The following WDR55 variants were observed in gnomAD, a reference collection of about 807,000 sequenced individuals.
WDR55 encodes WD repeat-containing protein 55.
A neutral mutation model predicts 34.0 loss-of-function variants in WDR55; 31 were observed. The ratio of observed to expected loss-of-function variants is 0.91; its 90% CI spans 0.69 to 1.23. The LOEUF (loss-of-function observed/expected upper bound fraction) is 1.23. WDR55 is among the 50% of genes most tolerant of loss of function. The pLI, the probability that WDR55 is intolerant of heterozygous loss-of-function variation, is 0.00. For synonymous variants in WDR55, 164 were observed against 185.9 expected, an observed-to-expected ratio of 0.88 and a Z score of 0.96; for missense variants, 440 against 494.6, an observed-to-expected ratio of 0.89 and a Z score of 1.05.
At position 140,668,974 on chromosome 5, in the gene WDR55, C is replaced by T; in HGVS notation, c.644C>T (p.Ser215Phe). ...GAACCTCAGTCTGGGGACCTGACCT[C>T]TGTCACTCTCATGAAAGTACAGCTG... is the stretch of plus-strand genomic sequence containing the variant. ...LSEPQSGDLT[S>F]VTLMKWGKKV... The change falls in exon 5 of 7, where the codon TCT becomes TTT. Residue 215 changes from serine to phenylalanine, a missense_variant. Transcript: ENST00000358337. 6.2e-7 allele frequency: 1 copy of T among 1,614,240 alleles called. No individual in the cohort carries two copies. Among genetic ancestry groups the T allele is most frequent in the Non-Finnish European group, 8.5e-7 (1 of 1,180,036 alleles).
chr5:140,666,897 G>C, intron 1 of WDR55: 1 of 985,364 alleles, frequency 1.0e-6, no homozygotes, highest in Non-Finnish European at 1.2e-6. Flanking sequence ...ACACATGTTT[G>C]ATTTTGAACA....
Position 140,671,413 on chromosome 5 carries a change from C to G in WDR55, c.*1759C>G, listed in dbSNP as rs765762813. The G allele has an allele frequency of 8.7e-6, 14 of 1,612,320 alleles. No homozygotes were observed. The African/African-American group carries it at 1.9e-4, about 21-fold the overall frequency. On this transcript the variant is annotated 3_prime_UTR_variant, in exon 7 of 7. Transcript: ENST00000358337. ...CATCCTTGGCCACCTCATGCCCATC[C>G]CGGCCATCTAGGGTCAGCACAACCC... is the stretch of plus-strand genomic sequence containing the variant.
At position 140,671,767 on chromosome 5, in the gene WDR55, A is replaced by G. The variant is rs1758081591; in HGVS notation, c.*2113A>G. On this transcript the variant is annotated 3_prime_UTR_variant, in exon 7 of 7. Transcript: ENST00000358337. ...GTGACTGCCCTGTAGGAAAAATGCA[A>G]AGACAAGGGCAGGTCTAAACCCTGG... The G allele has an allele frequency of 1.3e-6, 2 of 1,558,908 alleles. No individual in the cohort carries two copies. Among genetic ancestry groups the G allele is most frequent in the East Asian group, 2.4e-5 (1 of 42,222 alleles).
rs1157614450 is a variant in WDR55, at chr5:140,671,220, C to G, written c.*1566C>G. ...CCTTTGGGGGTCAGAAAGTGGCCAC[C>G]CAGGCCTGCTGGGATGGGGCCTGAC... On this transcript the variant is annotated 3_prime_UTR_variant, in exon 7 of 7. Coordinates refer to ENST00000358337, the MANE Select transcript of WDR55 (RefSeq NM_017706.5). The G allele has an allele frequency of 3.1e-6, 5 of 1,598,022 alleles. No individual in the cohort carries two copies. Among genetic ancestry groups the G allele is most frequent in the Middle Eastern group, 2.1e-4 (1 of 4,666 alleles).
rs747135715 is a variant in WDR55 at position 140,671,495 on chromosome 5, C to T, written c.*1841C>T. On this transcript the variant is annotated 3_prime_UTR_variant, in exon 7 of 7. Transcript: ENST00000358337. ...AGGAATCACCACCTGGTACCAGAAG[C>T]GGTGCCAGCCAGCAGGTCCTATGCC... 6.5e-5 allele frequency: 104 copies of T among 1,595,542 alleles called. No individual in the cohort carries two copies. The Middle Eastern group carries it at 1.1e-3, about 17-fold the overall frequency.
rs377201106 is a variant in WDR55 at position 140,669,117 on chromosome 5, C to T, written c.699C>T (p.Thr233=). The T allele has an allele frequency of 5.5e-5, 89 of 1,614,038 alleles. No homozygotes were observed. Among genetic ancestry groups the T allele is most frequent in the South Asian group, 8.8e-5 (8 of 91,092 alleles). ...KKVACGSSEG[T]IYLFNWNGFG... is the part of the protein sequence containing the mutation. ...TAGCCTGTGGCTCCAGTGAAGGTAC[C>T]ATCTACCTCTTCAATTGGAATGGCT... Residue 233 remains threonine, a synonymous_variant, in exon 6 of 7, where the codon ACC becomes ACT. Transcript: ENST00000358337.
At position 140,668,249 on chromosome 5, in the gene WDR55, C is replaced by G. The variant is rs749385762; in HGVS notation, c.207C>G (p.Cys69Trp). 1.2e-6 allele frequency: 2 copies of G among 1,608,380 alleles called. No individual in the cohort carries two copies. The highest frequency in any genetic ancestry group is 1.7e-6 in the Non-Finnish European group (2 of 1,176,626). The change falls in exon 2 of 7, where the codon TGC becomes TGG. Residue 69 changes from cysteine (C) to tryptophan (W), a missense_variant. Physicochemically the swap from Cys to Trp is radical, Grantham distance 215. Coordinates refer to ENST00000358337, the MANE Select transcript of WDR55 (RefSeq NM_017706.5). ...DGDVFVFSYSCQEGETKELWS... is the reference protein window; with the variant it reads ...DGDVFVFSYSWQEGETKELWS... ...CTCTCCCCAGCTTTTCCTACTCTTG[C>G]CAAGAGGGAGAAACCAAGGAGCTCT...
In WDR55 at chr5:140,669,905, T is replaced by G. The variant is rs1758030452; in HGVS notation, c.*251T>G. On this transcript the variant is annotated 3_prime_UTR_variant, in exon 7 of 7. Transcript: ENST00000358337. ...TACCACACCAGGCCAATTTTTGTTT[T>G]TTTTTTTTGGTAGAAACGGGTCTGT... 2 of 409,442 alleles carry G rather than the reference T, an allele frequency of 4.9e-6. No homozygotes were observed. The highest frequency in any genetic ancestry group is 4.4e-6 in the Non-Finnish European group (1 of 228,302). 25.4% of individuals were successfully genotyped at this position (409,442 alleles called of 1,614,324 possible).
Position 140,668,701 on chromosome 5 carries a change from A to G in WDR55, c.470A>G (p.Lys157Arg). 2 of 1,614,184 alleles carry G rather than the reference A, an allele frequency of 1.2e-6. No individual in the cohort carries two copies. Among genetic ancestry groups the G allele is most frequent in the Non-Finnish European group, 1.7e-6 (2 of 1,180,024 alleles). Reference protein sequence around the residue: ...TGGICLWDQRKEGPLMDMRQH... With the variant: ...TGGICLWDQRREGPLMDMRQH... ...GGTATCTGTCTCTGGGACCAGCGGA[A>G]GGAGGGCCCCTTAATGGATATGAGG... The change falls in exon 4 of 7, where the codon AAG (lysine) becomes AGG (arginine). Residue 157 changes from lysine (K) to arginine (R), a missense_variant. Coordinates refer to ENST00000358337, the MANE Select transcript of WDR55 (RefSeq NM_017706.5).
intron 1 of WDR55, chr5:140,666,676 C>T (rs1757932665): frequency 5.1e-6 from 5 of 984,810 alleles, no homozygotes; most frequent in Admixed American, 1.2e-4. Context: ...GACCTTGCCT[C>T]ACAGAGAAAT....
rs1236614505 is a variant in WDR55, at chr5:140,671,065, G to A, written c.*1411G>A. ...CCATGGAAGATCACTGGGTCAGGTT[G>A]GACCCTGGGCTGGGAGCGGGAGGGC... is the stretch of plus-strand genomic sequence containing the variant. On this transcript the variant is annotated 3_prime_UTR_variant, in exon 7 of 7. Transcript: ENST00000358337. 2 of 613,640 alleles carry A rather than the reference G, an allele frequency of 3.3e-6. No individual in the cohort carries two copies. Among genetic ancestry groups the A allele is most frequent in the South Asian group, 1.9e-5 (1 of 51,282 alleles). 38.0% of individuals were successfully genotyped at this position (613,640 alleles called of 1,614,324 possible).
At position 140,669,460 on chromosome 5, in the gene WDR55, A is replaced by G. The variant is rs770361471; in HGVS notation, c.958A>G (p.Lys320Glu). ...LASSGHDQRL[K>E]FWDMAQLRAV... ...CAGTAGTGGCCATGACCAGCGCCTC[A>G]AGTTTTGGGACATGGCCCAGCTGCG... The change falls in exon 7 of 7, where the codon AAG (lysine) becomes GAG (glutamate). Residue 320 changes from lysine to glutamate, a missense_variant. Transcript: ENST00000358337. 6.2e-7 allele frequency: 1 copy of G among 1,614,090 alleles called. No individual in the cohort carries two copies. The highest frequency in any genetic ancestry group is 1.7e-5 in the Admixed American group (1 of 60,014).
At position 140,668,887 on chromosome 5, in the gene WDR55, A is replaced by T. The variant is rs758858731; in HGVS notation, c.561-4A>T. 1.9e-6 allele frequency: 3 copies of T among 1,614,114 alleles called. No individual in the cohort carries two copies. The highest frequency in any genetic ancestry group is 2.5e-6 in the Non-Finnish European group (3 of 1,180,028). On this transcript the variant is annotated splice_region_variant and splice_polypyrimidine_tract_variant and intron_variant, in intron 4 of 6. Transcript: ENST00000358337. ...GTCTAAGCCTACTGCTCTACTCTCT[A>T]CAGCGGGGATGGCTGCCTTGGCATC...
At chr5:140,666,988 C>T (rs947432569) in intron 1 of WDR55, 1 of 985,284 alleles carries the variant, frequency 1.0e-6, no homozygotes, top group African/African-American at 1.7e-5. Context: ...ACCTCAACCC[C>T]TCATTAGCTG....
Position 140,668,765 on chromosome 5 carries a change from A to G in WDR55, c.534A>G (p.Pro178=), listed in dbSNP as rs1304564007. ...ACATCGCAGACATGGCTCTGGATCCAGCCAAAAAGCTGCTGCTGACAGCCA... is the reference window on the plus strand; with the variant it reads ...ACATCGCAGACATGGCTCTGGATCCGGCCAAAAAGCTGCTGCTGACAGCCA... ...EEYIADMALD[P]AKKLLLTASG... The change falls in exon 4 of 7, where the codon CCA becomes CCG. Residue 178 remains proline, a synonymous_variant. Coordinates refer to ENST00000358337, the MANE Select transcript of WDR55 (RefSeq NM_017706.5). 6.2e-7 allele frequency: 1 copy of G among 1,614,062 alleles called. No homozygotes were observed. The highest frequency in any genetic ancestry group is 2.2e-5 in the East Asian group (1 of 44,880).
intron 1 of WDR55, chr5:140,667,847 A>G (rs956222619): frequency 6.1e-6 from 1 of 162,962 alleles, no homozygotes; most frequent in Non-Finnish European, 1.3e-5. Context: ...CTGAAGTGCA[A>G]GAGCCTGCTC....
At position 140,666,703 on chromosome 5, in the gene WDR55, A is replaced by G. The variant is rs1385539787; in HGVS notation, c.192-1531A>G. On this transcript the variant is annotated intron_variant, in intron 1 of 6. Transcript: ENST00000358337. Reference sequence around the variant, plus strand: ...CAGAGAAATACCTTTTACATTATATATGATGCTCTGTGATACAATTGCTGA... The same window carrying G: ...CAGAGAAATACCTTTTACATTATATGTGATGCTCTGTGATACAATTGCTGA... 4.1e-6 allele frequency: 4 copies of G among 985,038 alleles called. No homozygotes were observed. In the African/African-American group the frequency reaches 5.2e-5, roughly 13 times the overall value. The allele number at this position is 985,038 out of a possible 1,614,324, so 61.0% of individuals were successfully genotyped here.
chr5:140,669,670 C>T lies in WDR55; in HGVS notation c.*16C>T, dbSNP rs1390195122. 6.2e-6 allele frequency: 10 copies of T among 1,603,910 alleles called. No homozygotes were observed. The highest frequency in any genetic ancestry group is 1.7e-4 in the Middle Eastern group (1 of 6,038). ...CAGTGACTGAAGGAATGAATTGAAT[C>T]TTGAGACGGGTCCTCACCAGGCAAG... On this transcript the variant is annotated 3_prime_UTR_variant, in exon 7 of 7. Transcript: ENST00000358337.
chr5:140,666,726 T>C, intron 1 of WDR55: 1 of 985,460 alleles, frequency 1.0e-6, no homozygotes, highest in Non-Finnish European at 1.2e-6. Flanking sequence ...ATACAATTGC[T>C]GATTTTATTC....
Sources: gnomAD v4.1 joint callset for allele counts on GRCh38, gnomAD v4.1.1 for gene constraint, MANE v1.5 for transcripts, NCBI Gene and HGNC (gene_info 2026-07-23, HGNC 2026-07-21) for gene names.